Variants in DPY19L2 observed in about 807,000 individuals in gnomAD.
DPY19L2 encodes dpy-19 like 2.
A neutral mutation model predicts 97.9 loss-of-function variants in DPY19L2; 34 were observed. The ratio of observed to expected loss-of-function variants is 0.35; its 90% CI spans 0.26 to 0.46. DPY19L2 has a LOEUF of 0.46. Among genes scored for constraint, DPY19L2 ranks in the 20% least tolerant of loss-of-function variants. DPY19L2 has a pLI of 1.00. For synonymous variants in DPY19L2, 230 were observed against 307.9 expected, an observed-to-expected ratio of 0.75 and a Z score of 2.65; for missense variants, 623 against 911.4, an observed-to-expected ratio of 0.68 and a Z score of 4.07.
At chr12:63,562,798 CTTT>C (rs59380942) in intron 21 of DPY19L2, among the ~76,000 whole-genome samples, 202 of 139,598 alleles carry the variant, frequency 1.4e-3, no homozygotes, top group African/African-American at 5.2e-3. Context: ...TCCTTTTGTC[CTTT>C]TTTTTTTTTT....
intron 4 of DPY19L2, among the ~76,000 whole-genome samples, chr12:63,652,622 A>C (rs569797488): frequency 6.6e-6 from 1 of 152,348 alleles, no homozygotes; most frequent in East Asian, 1.9e-4. Flanking sequence ...TGTCCTTTGC[A>C]GCAACATGAA....
chr12:63,572,183 G>C, intron 19 of DPY19L2, among the ~76,000 whole-genome samples: 1 of 152,166 alleles, frequency 6.6e-6, no homozygotes, highest in Non-Finnish European at 1.5e-5. Flanking sequence ...GGCTGGAAGA[G>C]AGCCCACTGC....
intron 4 of DPY19L2, among the ~76,000 whole-genome samples, chr12:63,656,574 C>A (rs1895003253): frequency 1.3e-5 from 2 of 152,116 alleles, no homozygotes; most frequent in South Asian, 4.1e-4. Flanking sequence ...TTTCTTGGAT[C>A]TGTGGTTTGG....
chr12:63,648,142 A>G (rs1893686238), intron 4 of DPY19L2, among the ~76,000 whole-genome samples: 1 of 152,154 alleles, frequency 6.6e-6, no homozygotes, highest in Non-Finnish European at 1.5e-5. Flanking sequence ...TGCAACATCA[A>G]GGCACCATCT....
chr12:63,593,914 A>G (rs1043374271), intron 16 of DPY19L2, among the ~76,000 whole-genome samples, 173 bp downstream of exon 16: 1 of 152,166 alleles, frequency 6.6e-6, no homozygotes, highest in African/African-American at 2.4e-5. Flanking sequence ...CCAAATACAT[A>G]TAAGAAATCT....
chr12:63,590,231 A>C (rs1372306995), intron 16 of DPY19L2, among the ~76,000 whole-genome samples: 1 of 152,228 alleles, frequency 6.6e-6, no homozygotes, highest in East Asian at 1.9e-4. Context: ...CCACTGACAA[A>C]GAATTGATAC....
chr12:63,609,183 G>C (rs1886552125), intron 11 of DPY19L2, among the ~76,000 whole-genome samples: 1 of 151,980 alleles, frequency 6.6e-6, no homozygotes, highest in South Asian at 2.1e-4. Context: ...CACCACCCCT[G>C]GCAGTCTTTA....
intron 4 of DPY19L2, among the ~76,000 whole-genome samples, chr12:63,659,329 CA>C (rs1895375497): frequency 6.6e-6 from 1 of 151,934 alleles, no homozygotes; most frequent in Non-Finnish European, 1.5e-5. Context: ...TGAAAAAATA[CA>C]AAACATTGCT....
At chr12:63,616,419 G>A (rs1279572213) in intron 11 of DPY19L2, among the ~76,000 whole-genome samples, 3 of 152,050 alleles carry the variant, frequency 2.0e-5, no homozygotes, top group Middle Eastern at 3.2e-3. Flanking sequence ...AGAAGGATAC[G>A]GAAAGCAAAA....
At chr12:63,576,565 A>AG (rs1879869831) in intron 19 of DPY19L2, among the ~76,000 whole-genome samples, 1 of 151,952 alleles carries the variant, frequency 6.6e-6, no homozygotes, top group Admixed American at 6.6e-5. Context: ...CACCAAAAAA[A>AG]AAACTATTAG....
intron 15 of DPY19L2, among the ~76,000 whole-genome samples, chr12:63,594,463 TAG>T (rs1491318144): frequency 1.1e-4 from 8 of 71,232 alleles, no homozygotes; most frequent in South Asian, 4.5e-4. Context: ...GAGAGAGAGA[TAG>T]TGTGTGTGTG....
intron 19 of DPY19L2, among the ~76,000 whole-genome samples, chr12:63,575,673 T>C (rs181651663): frequency 6.6e-6 from 1 of 152,052 alleles, no homozygotes; most frequent in Admixed American, 6.5e-5. Context: ...AGCAACTGTA[T>C]GCCAATAAAT....
chr12:63,626,351 C>T lies in DPY19L2; in HGVS notation c.861+118G>A, dbSNP rs1365089912. On this transcript the variant is annotated intron_variant, in intron 7 of 21. Transcript: ENST00000324472. Reference sequence around the variant, plus strand: ...AAATATCAACTTATTACACAAGGGTCTTTAAAATATTGTGAAGTCATAAGT... The same window carrying T: ...AAATATCAACTTATTACACAAGGGTTTTTAAAATATTGTGAAGTCATAAGT... 47 of 1,228,998 alleles carry T rather than the reference C, an allele frequency of 3.8e-5. 1 individual carries two copies. Among genetic ancestry groups the T allele is most frequent in the Non-Finnish European group, 4.8e-5 (43 of 903,972 alleles). 76.1% of individuals were successfully genotyped at this position (1,228,998 alleles called of 1,614,324 possible).
Position 63,645,250 on chromosome 12 carries a change from G to T in DPY19L2, c.710-754C>A, listed in dbSNP as rs1428985001. Among the ~76,000 whole-genome samples, 3 of 152,144 alleles carry T rather than the reference G, an allele frequency of 2.0e-5. No individual in the cohort carries two copies. The East Asian group carries it at 5.8e-4, about 29-fold the overall frequency. ...GGTTATTTCACTTTAACTGGCTGGAGCCAAGGTCTGAAGGCTGGCCTTCTG... is the reference window on the plus strand; with the variant it reads ...GGTTATTTCACTTTAACTGGCTGGATCCAAGGTCTGAAGGCTGGCCTTCTG... On this transcript the variant is annotated intron_variant, in intron 5 of 21. Transcript: ENST00000324472.
intron 3 of DPY19L2, among the ~76,000 whole-genome samples, chr12:63,663,053 G>A (rs1895889919): frequency 6.6e-6 from 1 of 152,112 alleles, no homozygotes; most frequent in East Asian, 1.9e-4. Context: ...GATAAACATT[G>A]AAATTTTTTA....
chr12:63,588,760 T>TG (rs1405088358), intron 16 of DPY19L2, among the ~76,000 whole-genome samples: 2 of 148,768 alleles, frequency 1.3e-5, no homozygotes, highest in Non-Finnish European at 3.0e-5. Context: ...TTTTTTTTTT[T>TG]TTTTGTTTTT....
At chr12:63,572,506 C>T (rs1297109033) in intron 19 of DPY19L2, among the ~76,000 whole-genome samples, 26 of 152,146 alleles carry the variant, frequency 1.7e-4, no homozygotes, top group African/African-American at 2.4e-5. Flanking sequence ...GATCTTGCCA[C>T]CCTGAAGGGA....
intron 6 of DPY19L2, among the ~76,000 whole-genome samples, chr12:63,634,394 G>A (rs562853665): frequency 1.1e-4 from 17 of 152,194 alleles, no homozygotes; most frequent in East Asian, 9.7e-4. Context: ...CACAGAAGAC[G>A]GGTGATTTCT....
Position 63,625,539 on chromosome 12 carries a change from T to C in DPY19L2, c.861+930A>G, listed in dbSNP as rs537981964. Among the ~76,000 whole-genome samples, 34 of 152,350 alleles carry C rather than the reference T, an allele frequency of 2.2e-4. 1 individual carries two copies. The South Asian group carries it at 7.0e-3, about 32-fold the overall frequency. ...TCTAGCAGAGCATGGACATGGTATG[T>C]ACTCAATAATTTGTTGAATGAATCC... On this transcript the variant is annotated intron_variant, in intron 7 of 21. Coordinates refer to ENST00000324472, the MANE Select transcript of DPY19L2 (RefSeq NM_173812.5).
Sources: allele counts gnomAD v4.1 joint callset (sites outside exome capture counted in the v4.1 genomes callset), GRCh38; gene constraint gnomAD v4.1.1; transcripts MANE v1.5; gene names NCBI Gene and HGNC (gene_info 2026-07-23, HGNC 2026-07-21).